The following ZFYVE9 variants were observed in gnomAD, a reference collection of about 807,000 sequenced individuals.
The protein encoded by ZFYVE9 is zinc finger FYVE-type containing 9.
Under a neutral mutation model 126.7 loss-of-function variants are expected in ZFYVE9, and 43 were observed. That is an observed-to-expected ratio of 0.34 (90% CI 0.27 to 0.44). The LOEUF is 0.44. Ranked by LOEUF, ZFYVE9 falls within the 20% of genes least tolerant of loss-of-function variation. ZFYVE9 has a pLI of 1.00. For synonymous variants in ZFYVE9, 521 were observed against 597.4 expected (o/e 0.87, Z 1.87); for missense variants, 1,476 against 1,697.0 (o/e 0.87, Z 2.29).
chr1:52,306,474 T>C (rs1332760771), intron 13 of ZFYVE9, among the ~76,000 whole-genome samples: 1 of 152,252 alleles, frequency 6.6e-6, no homozygotes, highest in Non-Finnish European at 1.5e-5. Flanking sequence ...CTCTTCACTT[T>C]GCTCACCCTC....
chr1:52,291,885 C>CAAAA (rs1171027696), intron 10 of ZFYVE9, among the ~76,000 whole-genome samples: 5 of 58,706 alleles, frequency 8.5e-5, no homozygotes, highest in African/African-American at 1.7e-4. Flanking sequence ...GACTCTGTCT[C>CAAAA]AAAAAAAAAA....
At chr1:52,175,704 C>G (rs994104301) in intron 1 of ZFYVE9, among the ~76,000 whole-genome samples, 1 of 152,130 alleles carries the variant, frequency 6.6e-6, no homozygotes, top group Non-Finnish European at 1.5e-5. Flanking sequence ...TTGTTCGTTT[C>G]TTTTTATTCT....
intron 1 of ZFYVE9, among the ~76,000 whole-genome samples, chr1:52,192,444 C>A (rs971727261): frequency 1.3e-5 from 2 of 152,184 alleles, no homozygotes; most frequent in Admixed American, 1.3e-4. Context: ...GCTCCTAAGC[C>A]TTTGGCTTAT....
intron 1 of ZFYVE9, among the ~76,000 whole-genome samples, chr1:52,154,645 C>T (rs77536721): frequency 0.019 from 2,821 of 152,236 alleles, 106 homozygotes; most frequent in African/African-American, 0.064. Flanking sequence ...TGCCTTTGTC[C>T]TTCTCCTTAA....
At chr1:52,231,488 A>G (rs571564110) in intron 2 of ZFYVE9, among the ~76,000 whole-genome samples, 5 of 152,120 alleles carry the variant, frequency 3.3e-5, no homozygotes, top group African/African-American at 1.2e-4. Flanking sequence ...ACTGCACTCC[A>G]GCCTGGGTGA....
intron 1 of ZFYVE9, among the ~76,000 whole-genome samples, chr1:52,181,429 G>C (rs1292397254): frequency 6.6e-5 from 10 of 152,298 alleles, no homozygotes; most frequent in Admixed American, 3.3e-4. Context: ...ATCTCGGCTC[G>C]CTACAATCTC....
chr1:52,237,800 C>T lies in ZFYVE9; in HGVS notation c.383C>T (p.Ala128Val), dbSNP rs1345424740. 1.1e-5 allele frequency: 18 copies of T among 1,613,928 alleles called. No individual in the cohort carries two copies. The highest frequency in any genetic ancestry group is 1.4e-5 in the Non-Finnish European group (16 of 1,179,974). Residue 128 changes from alanine (A) to valine (V), a missense_variant, in exon 4 of 19, where the codon GCT becomes GTT. Ala to Val is a moderately conservative substitution (Grantham distance 64, BLOSUM62 0). Around this residue, in one of 2 missense-constraint regions of ZFYVE9, gnomAD observed 807 missense variants for 794.6 expected, o/e 1.02. Coordinates refer to ENST00000287727, the MANE Select transcript of ZFYVE9 (RefSeq NM_004799.4). ...TATAGTTGGGATGATCAATGCAGTG[C>T]TGTTGAAGTGGGAGAGAAGAAATGT... The part of the protein sequence containing the change: ...RNYSWDDQCS[A>V]VEVGEKKCGN...
At chr1:52,317,722 C>G (rs1439113996) in intron 13 of ZFYVE9, among the ~76,000 whole-genome samples, 1 of 152,030 alleles carries the variant, frequency 6.6e-6, no homozygotes, top group African/African-American at 2.4e-5. Context: ...AGGGAAAGCA[C>G]AAATTACCTT....
intron 13 of ZFYVE9, among the ~76,000 whole-genome samples, chr1:52,309,490 C>CAA (rs1247090289): frequency 6.6e-6 from 1 of 151,642 alleles, no homozygotes; most frequent in Admixed American, 6.6e-5. Context: ...AAAACAAAAA[C>CAA]AAAAGCAAAA....
chr1:52,277,435 A>G (rs752426573), intron 8 of ZFYVE9, among the ~76,000 whole-genome samples: 2 of 152,206 alleles, frequency 1.3e-5, no homozygotes, highest in East Asian at 1.9e-4. Context: ...TGAATTATCT[A>G]TATTACTTAA....
At chr1:52,164,537 C>CATCTATCT (rs201486707) in intron 1 of ZFYVE9, among the ~76,000 whole-genome samples, 1 of 151,994 alleles carries the variant, frequency 6.6e-6, no homozygotes, top group African/African-American at 2.4e-5. Flanking sequence ...TATCTTTATA[C>CATCTATCT]ATCTATCTAT....
intron 10 of ZFYVE9, among the ~76,000 whole-genome samples, chr1:52,285,689 G>A (rs748066577): frequency 6.6e-6 from 1 of 152,124 alleles, no homozygotes; most frequent in Non-Finnish European, 1.5e-5. Flanking sequence ...ATTATGGTGA[G>A]TTGTATAATT....
intron 14 of ZFYVE9, among the ~76,000 whole-genome samples, chr1:52,333,859 G>A (rs1646366255): frequency 6.6e-6 from 1 of 151,962 alleles, no homozygotes; most frequent in Admixed American, 6.6e-5. Flanking sequence ...GGGAGGCCGA[G>A]GTGGGTGGAT....
rs145009906 is a variant in ZFYVE9 at position 52,219,028 on chromosome 1, C to T, written c.-37+2554C>T. Among the ~76,000 whole-genome samples, 371 of 152,102 alleles carry T rather than the reference C, an allele frequency of 2.4e-3. 8 individuals carry two copies. Among genetic ancestry groups the T allele is most frequent in the African/African-American group, 8.5e-3 (353 of 41,482 alleles). On this transcript the variant is annotated intron_variant, in intron 2 of 18. Coordinates refer to ENST00000287727, the MANE Select transcript of ZFYVE9 (RefSeq NM_004799.4). The stretch of plus-strand genomic sequence containing the variant: ...GTGAAGTGGAGGTAGGGTTTTAGGG[C>T]GGTGCGACCCTCTGAGGAGGTCCAG...
intron 13 of ZFYVE9, among the ~76,000 whole-genome samples, chr1:52,326,011 G>C (rs540225768): frequency 1.3e-5 from 2 of 152,214 alleles, no homozygotes; most frequent in Non-Finnish European, 2.9e-5. Context: ...GGGAAACACC[G>C]GGAGGTAAAG....
chr1:52,257,186 G>A lies in ZFYVE9; in HGVS notation c.2179-6587G>A, dbSNP rs12044371. 9.3e-3 allele frequency among the ~76,000 whole-genome samples: 1,408 copies of A among 152,114 alleles called. 66 individuals carry two copies. In the East Asian group the frequency reaches 0.12, roughly 13 times the overall value. ...TGTAGTGGGAAATTTTAAAAGGAAA[G>A]GAAAGGGAAATAAGAAAGGTACCAA... On this transcript the variant is annotated intron_variant, in intron 4 of 18. Coordinates refer to ENST00000287727, the MANE Select transcript of ZFYVE9 (RefSeq NM_004799.4).
At chr1:52,286,424 CTG>C (rs1440641544) in intron 10 of ZFYVE9, among the ~76,000 whole-genome samples, 1 of 152,112 alleles carries the variant, frequency 6.6e-6, no homozygotes, top group African/African-American at 2.4e-5. Context: ...GTGTGTGTAT[CTG>C]TGTTTCACAT....
intron 1 of ZFYVE9, chr1:52,160,351 A>G: frequency 8.7e-7 from 1 of 1,154,394 alleles, no homozygotes; most frequent in Non-Finnish European, 1.3e-6. Context: ...TGTGAGTCAC[A>G]AATTCATCAA....
At chr1:52,273,204 A>G (rs1645712100) in intron 7 of ZFYVE9, among the ~76,000 whole-genome samples, 1 of 151,448 alleles carries the variant, frequency 6.6e-6, no homozygotes, top group Non-Finnish European at 1.5e-5. Flanking sequence ...ATGGGATTTC[A>G]CCATGTTGGC....
Sources: allele counts gnomAD v4.1 joint callset (sites outside exome capture counted in the v4.1 genomes callset), GRCh38; gene constraint gnomAD v4.1.1; regional missense constraint gnomAD v4.1.1; transcripts MANE v1.5; gene names NCBI Gene and HGNC (gene_info 2026-07-23, HGNC 2026-07-21).